The following CSMD1 variants were observed in gnomAD, a reference collection of about 807,000 sequenced individuals.
The protein encoded by CSMD1 is CUB and Sushi multiple domains 1.
In CSMD1, 213 loss-of-function variants were observed where a neutral mutation model predicts 417.5. The observed-to-expected ratio is 0.51, with a 90% CI of 0.46 to 0.57. The LOEUF (loss-of-function observed/expected upper bound fraction) is 0.57, where lower values mean the gene tolerates loss of function less well. Among genes scored for constraint, CSMD1 ranks in the 20% least tolerant of loss-of-function variants. The probability of loss-of-function intolerance (pLI) is 0.00; values close to 1 mark genes in which losing one functional copy is unlikely to be tolerated. For synonymous variants in CSMD1, 2,862 were observed against 1,736.8 expected, an observed-to-expected ratio of 1.65 and a Z score of -16.11; for missense variants, 6,923 against 4,529.7, an observed-to-expected ratio of 1.53 and a Z score of -15.17.
rs112810740 is a variant in CSMD1, at chr8:4,824,558, C to T, written c.85+169774G>A. The stretch of plus-strand genomic sequence containing the variant: ...GAAAGTTCTATTAATAATTACACCA[C>T]GGAAACAGTCTCAAACAAGACAGTC... On this transcript the variant is annotated intron_variant, in intron 1 of 69. Coordinates refer to ENST00000635120, the MANE Select transcript of CSMD1 (RefSeq NM_033225.6). Among the ~76,000 whole-genome samples the T allele has an allele frequency of 4.3e-3, 655 of 152,210 alleles. 4 individuals are homozygous for T. Among genetic ancestry groups the T allele is most frequent in the African/African-American group, 0.015 (603 of 41,546 alleles).
intron 22 of CSMD1, among the ~76,000 whole-genome samples, chr8:3,345,298 T>C (rs1807916011): frequency 1.3e-5 from 2 of 152,126 alleles, no homozygotes; most frequent in African/African-American, 2.4e-5. Context: ...CCACTAAAAA[T>C]GAACAGCTCA....
At chr8:4,428,713 T>G (rs1041379954) in intron 2 of CSMD1, among the ~76,000 whole-genome samples, 1 of 152,056 alleles carries the variant, frequency 6.6e-6, no homozygotes, top group African/African-American at 2.4e-5. Context: ...ATTTGGTTAT[T>G]TTGTGTATTA....
At chr8:4,930,133 G>A (rs993844144) in intron 1 of CSMD1, among the ~76,000 whole-genome samples, 11 of 152,126 alleles carry the variant, frequency 7.2e-5, no homozygotes, top group East Asian at 1.9e-4. Context: ...CATCAATTGC[G>A]TTGATTGGTT....
intron 27 of CSMD1, among the ~76,000 whole-genome samples, chr8:3,228,375 A>G (rs568341593): frequency 3.3e-4 from 51 of 152,350 alleles, no homozygotes; most frequent in African/African-American, 1.2e-3. Flanking sequence ...GAAAATTACA[A>G]AGTAATAAAA....
At chr8:3,939,888 G>T (rs1332138723) in intron 5 of CSMD1, among the ~76,000 whole-genome samples, 1 of 151,994 alleles carries the variant, frequency 6.6e-6, no homozygotes, top group East Asian at 1.9e-4. Flanking sequence ...GTGAGGGAAT[G>T]AAAGACTACA....
intron 23 of CSMD1, among the ~76,000 whole-genome samples, chr8:3,338,742 G>C (rs1807440841): frequency 6.6e-6 from 1 of 151,542 alleles, no homozygotes; most frequent in Admixed American, 6.6e-5. Flanking sequence ...TAAAATAATT[G>C]GTACAAAGTT....
chr8:4,190,427 T>A (rs550356100), intron 3 of CSMD1, among the ~76,000 whole-genome samples: 6 of 152,212 alleles, frequency 3.9e-5, no homozygotes, highest in Non-Finnish European at 5.9e-5. Context: ...TTAACGCTCA[T>A]TAATGTGAAT....
intron 3 of CSMD1, among the ~76,000 whole-genome samples, chr8:4,256,372 C>T (rs372112445): frequency 1.3e-4 from 20 of 152,292 alleles, no homozygotes; most frequent in African/African-American, 4.6e-4. Flanking sequence ...GAATACATTG[C>T]TCTGATTACT....
chr8:3,204,634 A>G (rs970437989), intron 31 of CSMD1, among the ~76,000 whole-genome samples: 4 of 152,296 alleles, frequency 2.6e-5, no homozygotes, highest in Admixed American at 6.5e-5. Flanking sequence ...TCCCACACAC[A>G]AGTTTCTTAC....
intron 1 of CSMD1, among the ~76,000 whole-genome samples, chr8:4,855,038 T>G (rs890293528): frequency 1.3e-5 from 2 of 152,112 alleles, no homozygotes; most frequent in Non-Finnish European, 2.9e-5. Flanking sequence ...AAGAGAGCAG[T>G]GGTTCTCCCA....
intron 2 of CSMD1, among the ~76,000 whole-genome samples, chr8:4,471,391 T>G (rs1413706407): frequency 6.6e-6 from 1 of 152,152 alleles, no homozygotes; most frequent in African/African-American, 2.4e-5. Flanking sequence ...TTTACTATTT[T>G]GACAAGGTTC....
intron 2 of CSMD1, among the ~76,000 whole-genome samples, chr8:4,598,397 G>A (rs1018291384): frequency 1.3e-5 from 2 of 152,166 alleles, no homozygotes; most frequent in African/African-American, 4.8e-5. Context: ...GGTGGATGCA[G>A]CTCTGTCATA....
intron 50 of CSMD1, among the ~76,000 whole-genome samples, chr8:3,034,914 C>T (rs911911389): frequency 5.3e-5 from 8 of 152,090 alleles, no homozygotes; most frequent in African/African-American, 1.7e-4. Context: ...AAAGCGTGAG[C>T]CAGCGGCACT....
intron 3 of CSMD1, among the ~76,000 whole-genome samples, chr8:4,220,796 C>T (rs1488119580): frequency 2.0e-5 from 3 of 152,170 alleles, no homozygotes; most frequent in African/African-American, 7.2e-5. Context: ...TTATAACGCA[C>T]CGAACGCAGC....
chr8:3,663,863 T>C (rs1305804586), intron 7 of CSMD1, among the ~76,000 whole-genome samples: 1 of 152,148 alleles, frequency 6.6e-6, no homozygotes, highest in Non-Finnish European at 1.5e-5. Context: ...TCTTCTGAGG[T>C]TGTGTCACAG....
intron 25 of CSMD1, among the ~76,000 whole-genome samples, chr8:3,291,333 GC>G (rs1283525460): frequency 7.2e-6 from 1 of 138,838 alleles, no homozygotes; most frequent in Non-Finnish European, 1.5e-5. Context: ...GGTGATGCTG[GC>G]CCCATAAAAT....
chr8:4,825,462 A>C (rs539501815), intron 1 of CSMD1, among the ~76,000 whole-genome samples: 2 of 152,204 alleles, frequency 1.3e-5, no homozygotes, highest in African/African-American at 4.8e-5. Context: ...CTCAGTTTGC[A>C]TGATTGAAAC....
chr8:3,110,300 T>C lies in CSMD1; in HGVS notation c.6466A>G (p.Thr2156Ala). Residue 2156 changes from threonine (T) to alanine (A), a missense_variant, in exon 43 of 70, where the codon ACC becomes GCC. Transcript: ENST00000635120. The part of the protein sequence containing the change: ...CGYNVTSQNG[T>A]IYSPGFPDEY... ...TCAGGAAAGCCAGGGGAGTAGATGG[T>C]GCCGTTCTGAGAAGTTACGTTGTAC... 6.2e-7 allele frequency: 1 copy of C among 1,613,140 alleles called. No individual in the cohort carries two copies.
chr8:3,110,138 G>C lies in CSMD1; in HGVS notation c.6608+20C>G. The C allele has an allele frequency of 6.4e-7, 1 of 1,574,250 alleles. No homozygotes were observed. Among genetic ancestry groups the C allele is most frequent in the South Asian group, 1.2e-5 (1 of 85,622 alleles). ...TGTTGATCACAATTACAGATATTTT[G>C]ACTTGAGAGGTTCTCATACCAAACA... On this transcript the variant is annotated intron_variant, in intron 43 of 69. Coordinates refer to ENST00000635120, the MANE Select transcript of CSMD1 (RefSeq NM_033225.6).
Sources: allele counts gnomAD v4.1 joint callset (sites outside exome capture counted in the v4.1 genomes callset), GRCh38; gene constraint gnomAD v4.1.1; transcripts MANE v1.5; gene names NCBI Gene and HGNC (gene_info 2026-07-23, HGNC 2026-07-21).